ROBO2: variants seen among roughly 807,000 people sequenced by gnomAD.
ROBO2 encodes roundabout homolog 2.
Under a neutral mutation model 160.8 loss-of-function variants are expected in ROBO2, and 53 were observed. That is an observed-to-expected ratio of 0.33 (90% confidence interval 0.26 to 0.41). ROBO2 has a LOEUF of 0.41. Among genes scored for constraint, ROBO2 ranks in the 10% least tolerant of loss-of-function variants. The probability of loss-of-function intolerance (pLI) is 1.00; values close to 1 mark genes in which losing one functional copy is unlikely to be tolerated. For synonymous variants in ROBO2, 664 were observed against 611.7 expected (o/e 1.09, Z -1.26); for missense variants, 1,577 against 1,722.4 (o/e 0.92, Z 1.49).
intron 2 of ROBO2, among the ~76,000 whole-genome samples, chr3:76,283,167 T>TATATATATATATA (rs1576253117): frequency 7.1e-6 from 1 of 141,422 alleles, no homozygotes; most frequent in Non-Finnish European, 1.5e-5. Flanking sequence ...TACATATATA[T>TATATATATATATA]AGTGACCCCT....
intron 23 of ROBO2, among the ~76,000 whole-genome samples, chr3:77,625,914 T>A (rs540655809): frequency 3.3e-5 from 5 of 152,284 alleles, no homozygotes; most frequent in East Asian, 3.9e-4. Context: ...CATTTGATCC[T>A]CACAACCCTA....
rs192218752 is a variant in ROBO2 at position 77,051,814 on chromosome 3, G to A, written c.61+10968G>A. On this transcript the variant is annotated intron_variant, in intron 1 of 25. Transcript: ENST00000461745. ...AGGGGCAATCTCCCTGAACTATAAG[G>A]GGAGGGGACGAAAGAGTGTGTTGGA... is the stretch of plus-strand genomic sequence containing the variant. 5.3e-5 allele frequency among the ~76,000 whole-genome samples: 8 copies of A among 152,316 alleles called. No homozygotes were observed. The East Asian group carries it at 1.5e-3, about 29-fold the overall frequency.
chr3:76,960,502 G>A (rs1288538994), intron 2 of ROBO2, among the ~76,000 whole-genome samples: 1 of 151,864 alleles, frequency 6.6e-6, no homozygotes, highest in Non-Finnish European at 1.5e-5. Context: ...AATTTAAAAT[G>A]TAATTAAAAT....
intron 2 of ROBO2, among the ~76,000 whole-genome samples, chr3:76,332,913 A>G (rs1243264248): frequency 1.3e-5 from 2 of 152,198 alleles, no homozygotes; most frequent in Non-Finnish European, 2.9e-5. Flanking sequence ...ACAATTTTTC[A>G]CCTTCAGTGC....
At chr3:77,327,523 A>T (rs534552244) in intron 2 of ROBO2, among the ~76,000 whole-genome samples, 1 of 152,260 alleles carries the variant, frequency 6.6e-6, no homozygotes, top group South Asian at 2.1e-4. Flanking sequence ...CGGACCCATT[A>T]TTGGAGAAGG....
At position 76,283,764 on chromosome 3, in the gene ROBO2, G is replaced by A. The variant is rs141953862; in HGVS notation, c.109+346162G>A. ...TATCCCTGAAACAGTTTTTTACAAG[G>A]CCATCGAGCCCGTGTTTGGGGTTAT... On this transcript the variant is annotated intron_variant, in intron 2 of 26. Coordinates refer to the ROBO2 transcript ENST00000487694. Among the ~76,000 whole-genome samples the A allele has an allele frequency of 6.6e-5, 10 of 152,042 alleles. No individual in the cohort carries two copies. In the East Asian group the frequency reaches 1.5e-3, roughly 24 times the overall value.
intron 2 of ROBO2, among the ~76,000 whole-genome samples, chr3:76,943,429 G>T (rs2078323976): frequency 1.3e-5 from 2 of 152,176 alleles, no homozygotes; most frequent in Middle Eastern, 3.2e-3. Flanking sequence ...ATTTCAGCCT[G>T]CCTTTAATGA....
intron 2 of ROBO2, among the ~76,000 whole-genome samples, chr3:77,156,318 T>G (rs2078004291): frequency 6.6e-6 from 1 of 152,058 alleles, no homozygotes; most frequent in Non-Finnish European, 1.5e-5. Context: ...TGTTAAACAA[T>G]GTAAGATTGT....
rs867348101 is a variant in ROBO2, at chr3:76,622,241, A to G, written c.110-475773A>G. On this transcript the variant is annotated intron_variant, in intron 2 of 26. Transcript: ENST00000487694. ...AAGGAAGGAAGGAAGGAAGGAAGAA[A>G]GAAAGAAAGAAAGAAAGAAAGAAAG... Among the ~76,000 whole-genome samples the G allele has an allele frequency of 2.4e-3, 90 of 37,312 alleles. 3 individuals are homozygous for G. The highest frequency in any genetic ancestry group is 6.9e-3 in the African/African-American group (56 of 8,128). The allele number at this position is 37,312 out of a possible 152,430, so 24.5% of individuals were successfully genotyped here.
intron 2 of ROBO2, among the ~76,000 whole-genome samples, chr3:76,870,446 T>C (rs1194553966): frequency 1.3e-5 from 2 of 152,210 alleles, no homozygotes; most frequent in African/African-American, 2.4e-5. Flanking sequence ...ATACAGACTG[T>C]TATTTAAAAA....
At chr3:76,432,419 C>T (rs1045429745) in intron 2 of ROBO2, among the ~76,000 whole-genome samples, 2 of 152,146 alleles carry the variant, frequency 1.3e-5, no homozygotes, top group Non-Finnish European at 1.5e-5. Context: ...AGTTGGCCAC[C>T]TCAGATTGCC....
At chr3:76,953,362 T>A (rs1485108798) in intron 2 of ROBO2, among the ~76,000 whole-genome samples, 2 of 152,234 alleles carry the variant, frequency 1.3e-5, no homozygotes, top group Non-Finnish European at 2.9e-5. Context: ...AGGCTAAGTC[T>A]GTTTAGTGAT....
chr3:77,131,849 T>C (rs1264838183), intron 2 of ROBO2, among the ~76,000 whole-genome samples: 1 of 152,132 alleles, frequency 6.6e-6, no homozygotes, highest in Non-Finnish European at 1.5e-5. Context: ...CAATTTAATT[T>C]TTAAAATAAT....
intron 2 of ROBO2, among the ~76,000 whole-genome samples, chr3:77,229,092 G>A (rs904840502): frequency 2.0e-5 from 3 of 151,980 alleles, no homozygotes; most frequent in Admixed American, 6.6e-5. Context: ...CTAAGCCTTC[G>A]CCATGGTTTC....
intron 2 of ROBO2, among the ~76,000 whole-genome samples, chr3:76,647,694 T>C (rs2091047625): frequency 6.6e-6 from 1 of 151,884 alleles, no homozygotes; most frequent in African/African-American, 2.4e-5. Context: ...AGGATTTTGG[T>C]AATCAAGGTT....
intron 2 of ROBO2, among the ~76,000 whole-genome samples, chr3:76,971,267 T>G (rs1317172200): frequency 6.6e-6 from 1 of 152,148 alleles, no homozygotes; most frequent in Admixed American, 6.6e-5. Flanking sequence ...ACACTATAAC[T>G]GAAATGTGTC....
intron 2 of ROBO2, among the ~76,000 whole-genome samples, chr3:77,322,837 A>G (rs1277734696): frequency 1.5e-4 from 17 of 111,680 alleles, no homozygotes; most frequent in Non-Finnish European, 1.7e-4. Flanking sequence ...TATATTATGT[A>G]ATATATTATA....
chr3:76,088,894 A>C (rs1156667660), intron 2 of ROBO2, among the ~76,000 whole-genome samples: 1 of 152,072 alleles, frequency 6.6e-6, no homozygotes, highest in African/African-American at 2.4e-5. Context: ...AAAGACAGAT[A>C]TCAATAGAGA....
At chr3:76,065,236 G>A (rs2068213704) in intron 2 of ROBO2, among the ~76,000 whole-genome samples, 1 of 152,084 alleles carries the variant, frequency 6.6e-6, no homozygotes, top group African/African-American at 2.4e-5. Flanking sequence ...AACAATCATT[G>A]TGGTTGCTTG....
Sources: allele counts gnomAD v4.1 joint callset (sites outside exome capture counted in the v4.1 genomes callset), GRCh38; gene constraint gnomAD v4.1.1; transcripts MANE v1.5; gene names NCBI Gene and HGNC (gene_info 2026-07-23, HGNC 2026-07-21).